The following CAMTA1 variants were observed in gnomAD, a reference collection of about 807,000 sequenced individuals.
The protein encoded by CAMTA1 is calmodulin binding transcription activator 1, also known as calmodulin-binding transcription activator 1.
A neutral mutation model predicts 170.9 loss-of-function variants in CAMTA1; 27 were observed. The ratio of observed to expected loss-of-function variants is 0.16; its 90% CI spans 0.12 to 0.22. The LOEUF (loss-of-function observed/expected upper bound fraction) is 0.22, where lower values mean the gene tolerates loss of function less well. CAMTA1 is among the 10% of genes least tolerant of loss of function. The pLI, the probability that CAMTA1 is intolerant of heterozygous loss-of-function variation, is 1.00. For missense variants in CAMTA1, 1,619 were observed against 2,217.2 expected (o/e 0.73, Z 5.42); for synonymous variants, 833 against 891.5 (o/e 0.93, Z 1.17).
intron 6 of CAMTA1, among the ~76,000 whole-genome samples, chr1:7,541,976 C>T (rs534393395): frequency 1.5e-4 from 23 of 152,350 alleles, no homozygotes; most frequent in African/African-American, 4.6e-4. Flanking sequence ...CCAAGCGTTA[C>T]ACCCCAACAC....
chr1:6,810,620 A>C (rs941358084), intron 1 of CAMTA1, among the ~76,000 whole-genome samples: 2 of 152,116 alleles, frequency 1.3e-5, no homozygotes, highest in Non-Finnish European at 2.9e-5. Flanking sequence ...TCTGGCTAAC[A>C]CGGTGAAATC....
chr1:7,279,000 AG>A (rs1285097602), intron 5 of CAMTA1, among the ~76,000 whole-genome samples: 1 of 151,630 alleles, frequency 6.6e-6, no homozygotes, highest in Non-Finnish European at 1.5e-5. Flanking sequence ...CATGAGGAGA[AG>A]GGGAAGGCAT....
At chr1:7,721,021 A>T (rs2096646405) in intron 11 of CAMTA1, among the ~76,000 whole-genome samples, 1 of 152,228 alleles carries the variant, frequency 6.6e-6, no homozygotes, top group Non-Finnish European at 1.5e-5. Flanking sequence ...GGATGACCTC[A>T]TCAATAAATA....
chr1:7,075,227 G>A (rs1639138286), intron 3 of CAMTA1, among the ~76,000 whole-genome samples: 1 of 152,118 alleles, frequency 6.6e-6, no homozygotes, highest in South Asian at 2.1e-4. Context: ...AGAAGAAACT[G>A]GGCCCTAGAG....
intron 2 of CAMTA1, among the ~76,000 whole-genome samples, chr1:6,822,829 C>CAA (rs1553155615): frequency 6.9e-6 from 1 of 145,316 alleles, no homozygotes; most frequent in Non-Finnish European, 1.5e-5. Context: ...CACACACAAA[C>CAA]ACACACACAC....
intron 5 of CAMTA1, among the ~76,000 whole-genome samples, chr1:7,432,847 C>T (rs1436965668): frequency 6.6e-6 from 1 of 152,234 alleles, no homozygotes; most frequent in Non-Finnish European, 1.5e-5. Flanking sequence ...TTGTTTATTT[C>T]GCTCTCTGCA....
At chr1:7,729,506 G>A (rs1455212060) in intron 11 of CAMTA1, among the ~76,000 whole-genome samples, 2 of 152,350 alleles carry the variant, frequency 1.3e-5, no homozygotes, top group Non-Finnish European at 1.5e-5. Flanking sequence ...AGTGAGGACT[G>A]AACTGCTGAC....
At chr1:6,938,636 G>GGTCA (rs543494108) in intron 3 of CAMTA1, among the ~76,000 whole-genome samples, 317 of 152,266 alleles carry the variant, frequency 2.1e-3, no homozygotes, top group African/African-American at 7.3e-3. Flanking sequence ...GTTTTCACAT[G>GGTCA]GTCAGTCGGA....
chr1:7,646,605 G>A (rs1456998102), intron 7 of CAMTA1, among the ~76,000 whole-genome samples: 2 of 151,544 alleles, frequency 1.3e-5, no homozygotes, highest in African/African-American at 2.4e-5. Context: ...TGGTGGGTTG[G>A]GAGGAGGTCC....
chr1:7,640,484 A>G lies in CAMTA1; in HGVS notation c.595A>G (p.Ile199Val). 1.2e-6 allele frequency: 2 copies of G among 1,614,196 alleles called. No individual in the cohort carries two copies. The highest frequency in any genetic ancestry group is 1.7e-6 in the Non-Finnish European group (2 of 1,180,028). ...GCCTTGCGGCCCCATCCTCTGCTCCATCAACACCGACAAGAAGGAGTGGGC... is the reference window on the plus strand; with the variant it reads ...GCCTTGCGGCCCCATCCTCTGCTCCGTCAACACCGACAAGAAGGAGTGGGC... ...GKPCGPILCS[I>V]NTDKKEWAKW... Residue 199 changes from isoleucine (I) to valine (V), a missense_variant, in exon 7 of 23, where the codon ATC becomes GTC. Physicochemically the swap from Ile to Val is conservative, Grantham distance 29 (BLOSUM62 3). Transcript: ENST00000303635.
intron 3 of CAMTA1, among the ~76,000 whole-genome samples, chr1:6,963,907 G>C (rs1691018852): frequency 6.6e-6 from 1 of 152,274 alleles, no homozygotes; most frequent in Non-Finnish European, 1.5e-5. Context: ...GGGACACTGG[G>C]TCCTGCTAAA....
chr1:7,707,861 C>T (rs769578040), intron 11 of CAMTA1, among the ~76,000 whole-genome samples: 14 of 152,122 alleles, frequency 9.2e-5, no homozygotes, highest in Non-Finnish European at 1.2e-4. Flanking sequence ...GAGTGAATTG[C>T]CCTGAAGTCA....
chr1:7,718,699 G>A (rs1043087916), intron 11 of CAMTA1, among the ~76,000 whole-genome samples: 6 of 151,072 alleles, frequency 4.0e-5, no homozygotes, highest in Admixed American at 1.3e-4. Context: ...CTGAGAATAC[G>A]GGCACATGCT....
chr1:7,746,381 C>T (rs1164671203), intron 18 of CAMTA1, among the ~76,000 whole-genome samples: 1 of 152,204 alleles, frequency 6.6e-6, no homozygotes, highest in Non-Finnish European at 1.5e-5. Context: ...TGCTGTGCAA[C>T]TGTCACTGCT....
intron 3 of CAMTA1, among the ~76,000 whole-genome samples, chr1:6,984,471 G>T (rs769915166): frequency 6.6e-6 from 1 of 152,072 alleles, no homozygotes; most frequent in Non-Finnish European, 1.5e-5. Context: ...AATTAGCCAG[G>T]TGTGGGGTGG....
chr1:7,454,018 C>T (rs1173033338), intron 5 of CAMTA1, among the ~76,000 whole-genome samples: 1 of 152,230 alleles, frequency 6.6e-6, no homozygotes, highest in Admixed American at 6.5e-5. Context: ...GAGGATCTGA[C>T]ATTTTTATAA....
chr1:7,110,278 C>CT (rs368006412), intron 4 of CAMTA1, among the ~76,000 whole-genome samples: 6 of 151,716 alleles, frequency 4.0e-5, no homozygotes, highest in South Asian at 2.1e-4. Flanking sequence ...ACCCCCCTTC[C>CT]CCCCTTTTTT....
intron 6 of CAMTA1, among the ~76,000 whole-genome samples, chr1:7,493,267 GCACACAAACATACA>G (rs2093759631): frequency 2.8e-5 from 2 of 71,894 alleles, no homozygotes; most frequent in South Asian, 4.8e-4. Context: ...ACGTACACAC[GCACACAAACATACA>G]CGCGCACAAA....
chr1:7,318,618 C>G (rs943163298), intron 5 of CAMTA1, among the ~76,000 whole-genome samples: 1 of 152,198 alleles, frequency 6.6e-6, no homozygotes, highest in African/African-American at 2.4e-5. Context: ...GCTGAGAGAG[C>G]TACCAAATCA....
Sources: gnomAD v4.1 joint callset for allele counts (sites outside exome capture counted in the v4.1 genomes callset) on GRCh38, gnomAD v4.1.1 for gene constraint, MANE v1.5 for transcripts, NCBI Gene and HGNC (gene_info 2026-07-23, HGNC 2026-07-21) for gene names.